The following USP48 variants were observed in gnomAD, a reference collection of about 807,000 sequenced individuals.
USP48 encodes the protein ubiquitin carboxyl-terminal hydrolase 48.
Under a neutral mutation model 150.7 loss-of-function variants are expected in USP48, and 43 were observed. The ratio of observed to expected loss-of-function variants is 0.29; its 90% confidence interval spans 0.22 to 0.37. USP48 has a LOEUF of 0.37. Ranked by LOEUF, USP48 falls within the 10% of genes least tolerant of loss-of-function variation. The pLI is 1.00. For missense variants in USP48, 813 were observed against 1,249.6 expected, an observed-to-expected ratio of 0.65 and a Z score of 5.27; for synonymous variants, 396 against 425.9, an observed-to-expected ratio of 0.93 and a Z score of 0.86.
Position 21,703,520 on chromosome 1 carries a change from T to C in USP48, c.2614A>G (p.Asn872Asp), listed in dbSNP as rs2097663405. The C allele has an allele frequency of 6.2e-7, 1 of 1,612,306 alleles. No homozygotes were observed. Among genetic ancestry groups the C allele is most frequent in the Non-Finnish European group, 8.5e-7 (1 of 1,179,430 alleles). ...ATIYVHKVVD[N>D]KKVMKDSAPE... Reference sequence around the variant, plus strand: ...ACAAGAGGGACCAGTACCTTTTTATTATCCACAACTTTATGGACATAGATG... The same window carrying C: ...ACAAGAGGGACCAGTACCTTTTTATCATCCACAACTTTATGGACATAGATG... Residue 872 changes from asparagine to aspartate, a missense_variant, in exon 21 of 27, where the codon AAT becomes GAT. Coordinates refer to ENST00000308271, the MANE Select transcript of USP48 (RefSeq NM_032236.8).
At chr1:21,699,732 T>G (rs150113058) in intron 22 of USP48, among the ~76,000 whole-genome samples, 1,572 of 151,872 alleles carry the variant, frequency 0.01, 22 homozygotes, top group African/African-American at 0.034. Context: ...GCCAGGCTGG[T>G]GTCGAACTCT....
At chr1:21,727,943 G>A (rs984849249) in intron 11 of USP48, 11 of 985,132 alleles carry the variant, frequency 1.1e-5, no homozygotes, top group Non-Finnish European at 1.3e-5. Context: ...TCTTTAAAAT[G>A]ACAAAGATAA....
At chr1:21,764,320 T>C (rs2097856645) in intron 1 of USP48, among the ~76,000 whole-genome samples, 1 of 151,582 alleles carries the variant, frequency 6.6e-6, no homozygotes, top group African/African-American at 2.4e-5. Context: ...ATGCCTATAG[T>C]CCCAGCTGCT....
intron 9 of USP48, 92 bp downstream of exon 9, chr1:21,736,354 A>G: frequency 3.2e-6 from 4 of 1,267,720 alleles, no homozygotes; most frequent in East Asian, 2.6e-5. Flanking sequence ...AGTCTGTAAC[A>G]TAACAATCTT....
At chr1:21,694,962 GA>G in intron 23 of USP48, 103 bp downstream of exon 23, 2 of 1,239,080 alleles carry the variant, frequency 1.6e-6, no homozygotes, top group South Asian at 2.4e-5. Context: ...AAGTCTTCTG[GA>G]AAAAAACACA....
chr1:21,724,164 T>C (rs1319779783), intron 11 of USP48, 69 bp from the exon 12 acceptor site: 2 of 1,463,814 alleles, frequency 1.4e-6, no homozygotes, highest in African/African-American at 2.8e-5. Context: ...TACATTCATT[T>C]TTCTCAAAAG....
chr1:21,783,112 G>GCCGCGCCCGC lies in USP48; in HGVS notation c.-165_-156dup, dbSNP rs878858186. 16 of 1,151,068 alleles carry GCCGCGCCCGC rather than the reference G, an allele frequency of 1.4e-5. No individual in the cohort carries two copies. Among genetic ancestry groups the GCCGCGCCCGC allele is most frequent in the Middle Eastern group, 3.1e-4 (1 of 3,218 alleles). The allele number at this position is 1,151,068 out of a possible 1,614,324, so 71.3% of individuals were successfully genotyped here. On this transcript the variant is annotated 5_prime_UTR_variant, in exon 1 of 27. Coordinates refer to ENST00000308271, the MANE Select transcript of USP48 (RefSeq NM_032236.8). ...TCAATCACCTGTGCGCGCCACTGCCGCCGCGCCCGCCCGCGCCCGACCCGC... is the reference window on the plus strand; with the variant it reads ...TCAATCACCTGTGCGCGCCACTGCCGCCGCGCCCGCCCGCGCCCGCCCGCGCCCGACCCGC...
intron 8 of USP48, among the ~76,000 whole-genome samples, chr1:21,738,039 C>T (rs2097772361): frequency 1.3e-5 from 2 of 151,900 alleles, no homozygotes; most frequent in African/African-American, 2.4e-5. Flanking sequence ...GCTGGGATGA[C>T]AGGTGTACAT....
chr1:21,747,962 A>T (rs1218572713), intron 7 of USP48, among the ~76,000 whole-genome samples, 176 bp downstream of exon 7: 1 of 152,196 alleles, frequency 6.6e-6, no homozygotes, highest in Non-Finnish European at 1.5e-5. Context: ...CTTCTTTAAA[A>T]TTTTTTATGA....
At chr1:21,685,682 G>C (rs907684687) in intron 25 of USP48, among the ~76,000 whole-genome samples, 6 of 152,100 alleles carry the variant, frequency 3.9e-5, no homozygotes, top group African/African-American at 1.4e-4. Context: ...TTTGTATGTT[G>C]ATTTTTGTTA....
Position 21,746,685 on chromosome 1 carries a change from G to A in USP48, c.991+382C>T, listed in dbSNP as rs989749193. On this transcript the variant is annotated intron_variant, in intron 8 of 26. Transcript: ENST00000308271. Reference sequence around the variant, plus strand: ...TGGAATTATGCCACCTAATGTTTCTGGGACAACGTTTTTAAAAAAGTGAAT... The same window carrying A: ...TGGAATTATGCCACCTAATGTTTCTAGGACAACGTTTTTAAAAAAGTGAAT... Among the ~76,000 whole-genome samples the A allele has an allele frequency of 5.3e-5, 8 of 152,200 alleles. No homozygotes were observed. The East Asian group carries it at 1.3e-3, about 26-fold the overall frequency.
rs751023883 is a variant in USP48 at position 21,748,237 on chromosome 1, C to T, written c.809G>A (p.Cys270Tyr). The T allele has an allele frequency of 6.2e-7, 1 of 1,613,352 alleles. No individual in the cohort carries two copies. Among genetic ancestry groups the T allele is most frequent in the Non-Finnish European group, 8.5e-7 (1 of 1,179,762 alleles). Residue 270 changes from cysteine (C) to tyrosine (Y), a missense_variant, in exon 7 of 27, where the codon TGC becomes TAC. Coordinates refer to ENST00000308271, the MANE Select transcript of USP48 (RefSeq NM_032236.8). ...ATTCTGTTTGCTTTGACAGTTCTCG[C>T]AAAAATAGCGATTGTCTCCTTCTAA... ...EKLEGDNRYF[C>Y]ENCQSKQNAT...
rs140934894 is a variant in USP48 at position 21,758,538 on chromosome 1, C to T, written c.135-755G>A. On this transcript the variant is annotated intron_variant, in intron 1 of 26. Transcript: ENST00000308271. The stretch of plus-strand genomic sequence containing the variant: ...CAGCACTTTGGGAGGCTGAGGCAGG[C>T]GGATAACAAGGTCAGGAGTTCGAGA... Among the ~76,000 whole-genome samples, 43 of 151,946 alleles carry T rather than the reference C, an allele frequency of 2.8e-4. No individual in the cohort carries two copies. In the East Asian group the frequency reaches 8.0e-3, roughly 28 times the overall value.
chr1:21,772,314 C>T (rs962218460), intron 1 of USP48, among the ~76,000 whole-genome samples: 3 of 152,086 alleles, frequency 2.0e-5, no homozygotes, highest in Admixed American at 6.6e-5. Context: ...AAAATATCTT[C>T]GACAGAAATA....
At chr1:21,704,180 T>A in intron 20 of USP48, 82 bp downstream of exon 20, 1 of 1,516,082 alleles carries the variant, frequency 6.6e-7, no homozygotes, top group Non-Finnish European at 8.9e-7. Context: ...TCTTTAACTT[T>A]AAGCAGACAA....
At chr1:21,750,664 G>C (rs1467391547) in intron 6 of USP48, among the ~76,000 whole-genome samples, 4 of 151,998 alleles carry the variant, frequency 2.6e-5, no homozygotes, top group Admixed American at 6.6e-5. Context: ...CCTGAGGTTG[G>C]GAGTTTGAGA....
At chr1:21,706,992 G>C (rs1158529344) in intron 15 of USP48, 124 bp from the exon 16 acceptor site, 1 of 1,109,556 alleles carries the variant, frequency 9.0e-7, no homozygotes, top group Non-Finnish European at 1.2e-6. Flanking sequence ...CTAAAGTTTG[G>C]TATTTCTAGC....
chr1:21,686,166 C>T (rs2097579855), intron 25 of USP48: 1 of 152,156 alleles, frequency 6.6e-6, no homozygotes, highest in African/African-American at 2.4e-5. Flanking sequence ...TCCAATTTTG[C>T]ATGCTTTTTA....
Position 21,750,671 on chromosome 1 carries a change from G to A in USP48, c.774+836C>T, listed in dbSNP as rs188197051. On this transcript the variant is annotated intron_variant, in intron 6 of 26. Coordinates refer to ENST00000308271, the MANE Select transcript of USP48 (RefSeq NM_032236.8). ...GCGGATCACCTGAGGTTGGGAGTTT[G>A]AGACCAGCCTGACCGACATGGTAAA... Among the ~76,000 whole-genome samples, 55 of 152,158 alleles carry A rather than the reference G, an allele frequency of 3.6e-4. 1 individual carries two copies. The highest frequency in any genetic ancestry group is 3.5e-3 in the Admixed American group (53 of 15,264).
Sources: gnomAD v4.1 joint callset for allele counts (sites outside exome capture counted in the v4.1 genomes callset) on GRCh38, gnomAD v4.1.1 for gene constraint, MANE v1.5 for transcripts, NCBI Gene and HGNC (gene_info 2026-07-23, HGNC 2026-07-21) for gene names.